ZNF530: variants seen among roughly 807,000 people sequenced by gnomAD.
ZNF530 encodes zinc finger protein 530.
Under a neutral mutation model 2.8 loss-of-function variants are expected in ZNF530, and 5 were observed. That is an observed-to-expected ratio of 1.80 (90% CI 0.94 to 3.78). The LOEUF (loss-of-function observed/expected upper bound fraction) is 3.78, where lower values mean the gene tolerates loss of function less well. Among genes scored for constraint, ZNF530 ranks in the 30% most tolerant of loss-of-function variants. ZNF530 has a pLI of 0.00. For synonymous variants in ZNF530, 229 were observed against 235.0 expected (o/e 0.97, Z 0.23); for missense variants, 619 against 673.3 (o/e 0.92, Z 0.89).
chr19:57,601,388 A>G (rs187412305), intron 2 of ZNF530, among the ~76,000 whole-genome samples: 1 of 152,280 alleles, frequency 6.6e-6, no homozygotes, highest in African/African-American at 2.4e-5. Context: ...TGGGACTGAG[A>G]GATAAGAAGG....
At position 57,606,541 on chromosome 19, in the gene ZNF530, A is replaced by G. The variant is rs780355733; in HGVS notation, c.917A>G (p.Tyr306Cys). 309 of 1,603,480 alleles carry G rather than the reference A, an allele frequency of 1.9e-4. No individual in the cohort carries two copies. Among genetic ancestry groups the G allele is most frequent in the South Asian group, 2.4e-4 (22 of 90,466 alleles). Residue 306 changes from tyrosine to cysteine, a missense_variant, in exon 4 of 4, where the codon TAT (tyrosine) becomes TGT (cysteine). Tyr to Cys is a radical substitution (Grantham distance 194). Transcript: ENST00000597700. The stretch of plus-strand genomic sequence containing the variant: ...TCTTTTAGCCACAGCACTAACCTCT[A>G]TCGTCACAGGAGTGCCCACACTAGC... ...GKSFSHSTNL[Y>C]RHRSAHTSTR...
rs1050117071 is a variant in ZNF530, at chr19:57,606,520, T to C, written c.896T>C (p.Phe299Ser). The C allele has an allele frequency of 2.5e-6, 4 of 1,613,790 alleles. No individual in the cohort carries two copies. The highest frequency in any genetic ancestry group is 1.3e-5 in the African/African-American group (1 of 74,852). The change falls in exon 4 of 4, where the codon TTT (phenylalanine) becomes TCT (serine). Residue 299 changes from phenylalanine (F) to serine (S), a missense_variant. By Grantham distance (155) the Phe-to-Ser change is radical. Coordinates refer to ENST00000597700, the MANE Select transcript of ZNF530 (RefSeq NM_001321981.2). ...GAGTGCAGTGAATGTGGGAAATCTT[T>C]TAGCCACAGCACTAACCTCTATCGT... ...PYECSECGKS[F>S]SHSTNLYRHR... is the part of the protein sequence containing the mutation.
At position 57,600,039 on chromosome 19, in the gene ZNF530, T is replaced by C. The variant is rs747510460; in HGVS notation, c.-217T>C. On this transcript the variant is annotated 5_prime_UTR_variant, in exon 1 of 4. Transcript: ENST00000597700. ...GGGGCCTGACGGTCGCCGGCGGTGG[T>C]GACAGCTTTGCTCTTGTCTCCGCCC... The C allele has an allele frequency of 8.9e-5, 131 of 1,468,004 alleles. No homozygotes were observed. Among genetic ancestry groups the C allele is most frequent in the Non-Finnish European group, 1.1e-4 (120 of 1,092,394 alleles). The allele number at this position is 1,468,004 out of a possible 1,614,324, so 90.9% of individuals were successfully genotyped here.
downstream of ZNF530, among the ~76,000 whole-genome samples, chr19:57,610,920 C>A (rs1339041604): frequency 6.6e-6 from 1 of 152,078 alleles, no homozygotes; most frequent in African/African-American, 2.4e-5. Flanking sequence ...ATTAAGGAAG[C>A]ATATGTATTA....
chr19:57,609,763 G>A lies in ZNF530; in HGVS notation c.*2438G>A, dbSNP rs1338389274. On this transcript the variant is annotated 3_prime_UTR_variant, in exon 4 of 4. Transcript: ENST00000597700. ...GACAACAAGGGTTTTGTGGATTCCT[G>A]TAGCCTCTCTGGCCTGTTTACTTCA... Among the ~76,000 whole-genome samples, 1 of 152,072 alleles carries A rather than the reference G, an allele frequency of 6.6e-6. No individual in the cohort carries two copies. The highest frequency in any genetic ancestry group is 1.5e-5 in the Non-Finnish European group (1 of 68,024).
At position 57,607,395 on chromosome 19, in the gene ZNF530, A is replaced by C; in HGVS notation, c.*70A>C. ...GAATTTTGCTCGTCACCCAGGCTGGAGTGCAATTGTGCAATCTCAGCTCAC... is the reference window on the plus strand; with the variant it reads ...GAATTTTGCTCGTCACCCAGGCTGGCGTGCAATTGTGCAATCTCAGCTCAC... On this transcript the variant is annotated 3_prime_UTR_variant, in exon 4 of 4. Coordinates refer to ENST00000597700, the MANE Select transcript of ZNF530 (RefSeq NM_001321981.2). 1 of 1,462,828 alleles carries C rather than the reference A, an allele frequency of 6.8e-7. No homozygotes were observed. The allele number at this position is 1,462,828 out of a possible 1,614,324, so 90.6% of individuals were successfully genotyped here.
downstream of ZNF530, among the ~76,000 whole-genome samples, chr19:57,611,443 T>C (rs1412837612): frequency 6.6e-6 from 1 of 152,158 alleles, no homozygotes; most frequent in Non-Finnish European, 1.5e-5. Flanking sequence ...GCTTGACTAC[T>C]GCATGCACAG....
At position 57,607,503 on chromosome 19, in the gene ZNF530, C is replaced by T. The variant is rs1980649189; in HGVS notation, c.*178C>T. The T allele has an allele frequency of 4.7e-6, 3 of 632,966 alleles. No individual in the cohort carries two copies. The highest frequency in any genetic ancestry group is 5.3e-6 in the Non-Finnish European group (2 of 376,968). The allele number at this position is 632,966 out of a possible 1,614,324, so 39.2% of individuals were successfully genotyped here. A position where few individuals can be genotyped will look rare whatever the true frequency, so the allele number is the denominator to read the frequency against. ...GAGATTACAGGCACCCACCACCATG[C>T]CCAGCTAATTTTTGTATTTTTAATA... On this transcript the variant is annotated 3_prime_UTR_variant, in exon 4 of 4. Transcript: ENST00000597700.
intron 2 of ZNF530, among the ~76,000 whole-genome samples, chr19:57,601,480 G>A (rs992012325): frequency 1.3e-5 from 2 of 152,158 alleles, no homozygotes; most frequent in African/African-American, 4.8e-5. Flanking sequence ...TAGTAGAATT[G>A]TTTTTCACTC....
downstream of ZNF530, among the ~76,000 whole-genome samples, chr19:57,610,697 A>G (rs1192917903): frequency 6.6e-6 from 1 of 152,164 alleles, no homozygotes; most frequent in African/African-American, 2.4e-5. Context: ...CTGAGTGGCC[A>G]TATTCCCTGA....
At chr19:57,605,597 T>G (rs1020011362) in intron 3 of ZNF530, 89 bp from the exon 4 acceptor site, 1 of 1,355,672 alleles carries the variant, frequency 7.4e-7, no homozygotes, top group Non-Finnish European at 1.0e-6. Flanking sequence ...TAAAAACATT[T>G]TCTTAGACTC....
chr19:57,606,116 C>T lies in ZNF530; in HGVS notation c.492C>T (p.Ser164=). ...CTCCCACCATTGAGAGACCACACAG[C>T]AGGATTAGACACTTGAGAGTTCCCA... ...QVTPTIERPH[S]RIRHLRVPTG... The change falls in exon 4 of 4, where the codon AGC becomes AGT. Residue 164 remains serine, a synonymous_variant. Transcript: ENST00000597700. The T allele has an allele frequency of 6.2e-7, 1 of 1,614,202 alleles. No homozygotes were observed. Among genetic ancestry groups the T allele is most frequent in the East Asian group, 2.2e-5 (1 of 44,888 alleles).
In ZNF530 at chr19:57,606,277, G is replaced by A. The variant is rs369815683; in HGVS notation, c.653G>A (p.Ser218Asn). 9 of 1,613,850 alleles carry A rather than the reference G, an allele frequency of 5.6e-6. No individual in the cohort carries two copies. The African/African-American group carries it at 6.7e-5, about 12-fold the overall frequency. Residue 218 changes from serine to asparagine, a missense_variant, in exon 4 of 4, where the codon AGT (serine) becomes AAT (asparagine). Coordinates refer to ENST00000597700, the MANE Select transcript of ZNF530 (RefSeq NM_001321981.2). Reference protein sequence around the residue: ...CSECGKSFSQSSGFLRHRKAH... With the variant: ...CSECGKSFSQNSGFLRHRKAH... ...GAATGTGGGAAATCCTTTAGTCAAA[G>A]TTCTGGCTTTCTTCGACACAGGAAA...
At position 57,606,875 on chromosome 19, in the gene ZNF530, C is replaced by G; in HGVS notation, c.1251C>G (p.Leu417=). The part of the protein sequence containing the change: ...CGKVFSQSSG[L]FRHRRAHTKT... ...AAGTTTTTAGCCAAAGCTCTGGCCT[C>G]TTTCGACACAGAAGAGCTCACACTA... Residue 417 remains leucine, a synonymous_variant, in exon 4 of 4, where the codon CTC becomes CTG. Transcript: ENST00000597700. The G allele has an allele frequency of 6.2e-7, 1 of 1,614,002 alleles. No homozygotes were observed. The highest frequency in any genetic ancestry group is 1.7e-5 in the Admixed American group (1 of 60,018).
chr19:57,608,392 T>C lies in ZNF530; in HGVS notation c.*1067T>C, dbSNP rs1200619397. The C allele has an allele frequency of 6.6e-6, 1 of 152,196 alleles. No homozygotes were observed. Among genetic ancestry groups the C allele is most frequent in the African/African-American group, 2.4e-5 (1 of 41,454 alleles). 9.4% of individuals were successfully genotyped at this position (152,196 alleles called of 1,614,324 possible). A position where few individuals can be genotyped will look rare whatever the true frequency, so the allele number is the denominator to read the frequency against. On this transcript the variant is annotated 3_prime_UTR_variant, in exon 4 of 4. Transcript: ENST00000597700. ...TTTGTTTGCCTCAGAGGGGACAGTA[T>C]GCTCACAGAATATAGATTTTGCTCC...
Position 57,606,897 on chromosome 19 carries a change from A to C in ZNF530, c.1273A>C (p.Thr425Pro), listed in dbSNP as rs918269466. The change falls in exon 4 of 4, where the codon ACT becomes CCT. Residue 425 changes from threonine to proline, a missense_variant. Coordinates refer to ENST00000597700, the MANE Select transcript of ZNF530 (RefSeq NM_001321981.2). ...SGLFRHRRAH[T>P]KTKPYECSEC... ...CCTCTTTCGACACAGAAGAGCTCAC[A>C]CTAAAACAAAGCCTTATGAGTGCAG... is the stretch of plus-strand genomic sequence containing the variant. 1 of 1,613,848 alleles carries C rather than the reference A, an allele frequency of 6.2e-7. No homozygotes were observed. The highest frequency in any genetic ancestry group is 1.7e-5 in the Admixed American group (1 of 60,008).
In ZNF530 at chr19:57,606,308, C is replaced by T. The variant is rs774485082; in HGVS notation, c.684C>T (p.His228=). 3.1e-5 allele frequency: 50 copies of T among 1,614,084 alleles called. No individual in the cohort carries two copies. The East Asian group carries it at 4.5e-4, about 14-fold the overall frequency. The change falls in exon 4 of 4, where the codon CAC becomes CAT. Residue 228 remains histidine (H), a synonymous_variant. Coordinates refer to ENST00000597700, the MANE Select transcript of ZNF530 (RefSeq NM_001321981.2). ...GCTTTCTTCGACACAGGAAAGCACACGGTAGAACAAGGACTCATGAATGTA... is the reference window on the plus strand; with the variant it reads ...GCTTTCTTCGACACAGGAAAGCACATGGTAGAACAAGGACTCATGAATGTA... ...SSGFLRHRKA[H]GRTRTHECSE...
chr19:57,602,397 C>T (rs1980286789), intron 2 of ZNF530, among the ~76,000 whole-genome samples: 1 of 152,178 alleles, frequency 6.6e-6, no homozygotes, highest in Admixed American at 6.5e-5. Flanking sequence ...TGTGTTAGTG[C>T]TTCAATGTAA....
intron 1 of ZNF530, 38 bp downstream of exon 1, chr19:57,600,172 C>T (rs370938396): frequency 1.9e-6 from 3 of 1,551,956 alleles, no homozygotes; most frequent in African/African-American, 1.4e-5. Flanking sequence ...CTGCCCTCCC[C>T]ACCCGAAACT....
Sources: gnomAD v4.1 joint callset for allele counts (sites outside exome capture counted in the v4.1 genomes callset) on GRCh38, gnomAD v4.1.1 for gene constraint, MANE v1.5 for transcripts, NCBI Gene and HGNC (gene_info 2026-07-23, HGNC 2026-07-21) for gene names.